Variants in DCC observed in about 807,000 individuals in gnomAD.
DCC encodes the protein DCC netrin 1 receptor, also known as netrin receptor DCC.
In DCC, 58 loss-of-function variants were observed where a neutral mutation model predicts 172.5. The ratio of observed to expected loss-of-function variants is 0.34; its 90% CI spans 0.27 to 0.42. DCC has a LOEUF of 0.42. DCC is among the 10% of genes least tolerant of loss of function. The probability of loss-of-function intolerance (pLI) is 1.00; values close to 1 mark genes in which losing one functional copy is unlikely to be tolerated. For missense variants in DCC, 1,740 were observed against 1,791.0 expected (o/e 0.97, Z 0.51); for synonymous variants, 709 against 644.5 (o/e 1.10, Z -1.52).
At chr18:52,701,008 A>G (rs1427270745) in intron 1 of DCC, among the ~76,000 whole-genome samples, 1 of 152,202 alleles carries the variant, frequency 6.6e-6, no homozygotes. Flanking sequence ...TCCATTGGCC[A>G]TGGTGGATTA....
chr18:53,360,621 A>C (rs189780469), intron 15 of DCC, among the ~76,000 whole-genome samples: 302 of 152,300 alleles, frequency 2.0e-3, no homozygotes, highest in Non-Finnish European at 3.8e-3. Flanking sequence ...CTAAAGCTCC[A>C]TTGTAAATTA....
At chr18:52,981,173 G>A (rs1402622856) in intron 5 of DCC, among the ~76,000 whole-genome samples, 1 of 151,714 alleles carries the variant, frequency 6.6e-6, no homozygotes, top group East Asian at 1.9e-4. Context: ...ATCTTTATAT[G>A]GTCAAAATTA....
chr18:53,230,947 C>T (rs2056112668), intron 12 of DCC, among the ~76,000 whole-genome samples: 1 of 151,862 alleles, frequency 6.6e-6, no homozygotes. Context: ...GGGTATTATG[C>T]AGATATGTAG....
intron 1 of DCC, among the ~76,000 whole-genome samples, chr18:52,481,968 T>C (rs925128624): frequency 1.3e-5 from 2 of 152,142 alleles, no homozygotes; most frequent in African/African-American, 4.8e-5. Flanking sequence ...GAGGATCCAT[T>C]TGATATTTCC....
At chr18:53,340,544 T>C (rs2057647484) in intron 15 of DCC, among the ~76,000 whole-genome samples, 1 of 152,188 alleles carries the variant, frequency 6.6e-6, no homozygotes, top group Non-Finnish European at 1.5e-5. Flanking sequence ...AACCTCATTT[T>C]TTACTGAATA....
chr18:52,507,350 T>C lies in DCC; in HGVS notation c.91+166472T>C, dbSNP rs567916919. On this transcript the variant is annotated intron_variant, in intron 1 of 28. Transcript: ENST00000442544. ...TATATTAACACAGTGCTTGTAAGTG[T>C]ATTAGTATAAAACTGATTGCACTGA... 2.0e-5 allele frequency among the ~76,000 whole-genome samples: 3 copies of C among 152,292 alleles called. No individual in the cohort carries two copies. The East Asian group carries it at 5.8e-4, about 29-fold the overall frequency.
chr18:53,517,302 G>A (rs2046345827), intron 27 of DCC, among the ~76,000 whole-genome samples: 1 of 151,040 alleles, frequency 6.6e-6, no homozygotes, highest in Non-Finnish European at 1.5e-5. Context: ...CTGTTGTGGG[G>A]TGGGGGGAGG....
chr18:52,527,048 G>T (rs1201901623), intron 1 of DCC, among the ~76,000 whole-genome samples: 1 of 152,212 alleles, frequency 6.6e-6, no homozygotes, highest in African/African-American at 2.4e-5. Context: ...TAAAACTGAT[G>T]CACAGGGATG....
chr18:53,375,999 A>G (rs2058106614), intron 15 of DCC, among the ~76,000 whole-genome samples: 1 of 152,148 alleles, frequency 6.6e-6, no homozygotes, highest in African/African-American at 2.4e-5. Flanking sequence ...TGATGAGGTG[A>G]TTGCAACTGG....
At chr18:52,473,455 A>G (rs1197107690) in intron 1 of DCC, among the ~76,000 whole-genome samples, 1 of 152,214 alleles carries the variant, frequency 6.6e-6, no homozygotes, top group Non-Finnish European at 1.5e-5. Flanking sequence ...AAAACATACC[A>G]GAGACTGGGT....
chr18:53,117,754 G>A (rs765767299), intron 7 of DCC, among the ~76,000 whole-genome samples: 5 of 151,538 alleles, frequency 3.3e-5, no homozygotes, highest in Non-Finnish European at 7.4e-5. Context: ...TGCACCTCCT[G>A]GACTCTACAG....
At chr18:52,387,574 T>TCTTCCCTCCTTC (rs1555676784) in intron 1 of DCC, among the ~76,000 whole-genome samples, 6 of 121,996 alleles carry the variant, frequency 4.9e-5, no homozygotes, top group Admixed American at 3.3e-4. Context: ...TTGTTTTGTT[T>TCTTCCCTCCTTC]CTTCCTTCCT....
At chr18:53,019,038 A>G (rs1169043747) in intron 5 of DCC, among the ~76,000 whole-genome samples, 1 of 152,176 alleles carries the variant, frequency 6.6e-6, no homozygotes, top group Non-Finnish European at 1.5e-5. Flanking sequence ...ATTTTGTAGG[A>G]GAAAACTAGT....
intron 2 of DCC, among the ~76,000 whole-genome samples, chr18:52,893,974 C>T (rs1318384253): frequency 6.6e-6 from 1 of 152,098 alleles, no homozygotes; most frequent in African/African-American, 2.4e-5. Flanking sequence ...CACTGCTTCC[C>T]ATTATTTACT....
chr18:53,527,356 C>A (rs970711051), intron 28 of DCC, among the ~76,000 whole-genome samples: 3 of 151,596 alleles, frequency 2.0e-5, no homozygotes, highest in African/African-American at 7.3e-5. Flanking sequence ...GTAGCTAAGA[C>A]TATAGGTGCA....
At chr18:52,486,866 A>G (rs992286824) in intron 1 of DCC, among the ~76,000 whole-genome samples, 3 of 152,110 alleles carry the variant, frequency 2.0e-5, no homozygotes, top group African/African-American at 4.8e-5. Context: ...GGTGTCTTTT[A>G]CAGAACGTTC....
intron 7 of DCC, among the ~76,000 whole-genome samples, chr18:53,119,534 G>A (rs2043453840): frequency 1.3e-5 from 2 of 151,744 alleles, no homozygotes; most frequent in African/African-American, 4.8e-5. Context: ...ACCACAAATG[G>A]CACAGATTTT....
chr18:52,847,940 A>G (rs1438677047), intron 2 of DCC, among the ~76,000 whole-genome samples: 2 of 152,176 alleles, frequency 1.3e-5, no homozygotes, highest in Non-Finnish European at 1.5e-5. Flanking sequence ...TTTTGAATCT[A>G]GTTGTATGAA....
At chr18:53,441,486 C>CG (rs1204512793) in intron 22 of DCC, among the ~76,000 whole-genome samples, 1 of 151,992 alleles carries the variant, frequency 6.6e-6, no homozygotes, top group Non-Finnish European at 1.5e-5. Context: ...ATCTCCACCC[C>CG]GACGTATTCA....
Sources: allele counts gnomAD v4.1 joint callset (sites outside exome capture counted in the v4.1 genomes callset), GRCh38; gene constraint gnomAD v4.1.1; transcripts MANE v1.5; gene names NCBI Gene and HGNC (gene_info 2026-07-23, HGNC 2026-07-21).